Variants in ARRB1 observed in about 807,000 individuals in gnomAD.
ARRB1 encodes the protein beta-arrestin-1.
A neutral mutation model predicts 56.8 loss-of-function variants in ARRB1; 21 were observed. That is an observed-to-expected ratio of 0.37 (90% CI 0.26 to 0.53). The LOEUF (loss-of-function observed/expected upper bound fraction) is 0.53, where lower values mean the gene tolerates loss of function less well. Among genes scored for constraint, ARRB1 ranks in the 20% least tolerant of loss-of-function variants. ARRB1 has a pLI of 0.88. For synonymous variants in ARRB1, 210 were observed against 218.6 expected (o/e 0.96, Z 0.35); for missense variants, 424 against 553.7 (o/e 0.77, Z 2.35).
intron 1 of ARRB1, among the ~76,000 whole-genome samples, chr11:75,350,474 GGGT>G (rs1947829514): frequency 6.6e-6 from 1 of 152,216 alleles, no homozygotes; most frequent in South Asian, 2.1e-4. Context: ...CCCACTTAGG[GGGT>G]GGGGAGGGCA....
In ARRB1 at chr11:75,278,590, C is replaced by A; in HGVS notation, c.618+19G>T. On this transcript the variant is annotated intron_variant, in intron 8 of 15. Transcript: ENST00000420843. ...CTGGTGGAGCAGCCCCCACCCCCTG[C>A]CAAGTCCGAGCCTCCTACCTCCTTA... The A allele has an allele frequency of 6.2e-7, 1 of 1,613,766 alleles. No individual in the cohort carries two copies. The highest frequency in any genetic ancestry group is 1.6e-4 in the Middle Eastern group (1 of 6,062).
Position 75,260,944 on chromosome 11 carries a change from A to T in ARRB1, c.*5219T>A. On this transcript the variant is annotated 3_prime_UTR_variant, in exon 16 of 16. Transcript: ENST00000420843. The stretch of plus-strand genomic sequence containing the variant: ...TTAACCCTAGCCTCTCTCCTATCAC[A>T]CTGCTTCTCCTGCTGTGTCCCTTGG... The T allele has an allele frequency of 6.6e-6, 1 of 152,084 alleles. No homozygotes were observed. Among genetic ancestry groups the T allele is most frequent in the Non-Finnish European group, 1.5e-5 (1 of 68,060 alleles). The allele number at this position is 152,084 out of a possible 1,614,324, so 9.4% of individuals were successfully genotyped here. A position where few individuals can be genotyped will look rare whatever the true frequency, so the allele number is the denominator to read the frequency against.
At chr11:75,316,839 G>A (rs1332149826) in intron 1 of ARRB1, among the ~76,000 whole-genome samples, 3 of 152,122 alleles carry the variant, frequency 2.0e-5, no homozygotes, top group African/African-American at 7.2e-5. Flanking sequence ...AGGCTGAGGT[G>A]GGCAGATCAT....
Position 75,278,639 on chromosome 11 carries a change from G to A in ARRB1, c.588C>T (p.Pro196=). The stretch of plus-strand genomic sequence containing the variant: ...TATCCAGAGAGGCTTCTAGGTGCAA[G>A]GGCTTGTCCGACATGAGGAACTGCC... ...TTRQFLMSDK[P]LHLEASLDKE... is the part of the protein sequence containing the mutation. The change falls in exon 8 of 16, where the codon CCC becomes CCT. Residue 196 remains proline (P), a synonymous_variant. Transcript: ENST00000420843. 6.2e-7 allele frequency: 1 copy of A among 1,614,212 alleles called. No homozygotes were observed. Among genetic ancestry groups the A allele is most frequent in the Non-Finnish European group, 8.5e-7 (1 of 1,180,032 alleles).
At chr11:75,340,825 C>G (rs1446139912) in intron 1 of ARRB1, among the ~76,000 whole-genome samples, 1 of 152,162 alleles carries the variant, frequency 6.6e-6, no homozygotes, top group Non-Finnish European at 1.5e-5. Context: ...ACAACCGCCC[C>G]CAGCTTCCTG....
chr11:75,301,730 G>A (rs1162442759), intron 1 of ARRB1, among the ~76,000 whole-genome samples: 1 of 152,196 alleles, frequency 6.6e-6, no homozygotes, highest in East Asian at 1.9e-4. Context: ...AGCGGCTGCA[G>A]AGAGGTTCCT....
intron 1 of ARRB1, among the ~76,000 whole-genome samples, chr11:75,297,725 T>A (rs1946788216): frequency 6.6e-6 from 1 of 151,186 alleles, no homozygotes. Context: ...ATTAGCCAGG[T>A]GTGGTGGCAG....
At chr11:75,282,940 G>A (rs1483747840) in intron 5 of ARRB1, among the ~76,000 whole-genome samples, 4 of 152,182 alleles carry the variant, frequency 2.6e-5, no homozygotes, top group Admixed American at 1.3e-4. Flanking sequence ...GGTTGCTGCC[G>A]GGCAAGTGGG....
chr11:75,318,142 TCTAA>T (rs1947292502), intron 1 of ARRB1, among the ~76,000 whole-genome samples: 2 of 140,338 alleles, frequency 1.4e-5, no homozygotes, highest in Non-Finnish European at 3.0e-5. Context: ...AATAAGCATT[TCTAA>T]CTTTTTTTTT....
intron 1 of ARRB1, among the ~76,000 whole-genome samples, chr11:75,317,803 G>A (rs146927563): frequency 1.3e-5 from 2 of 152,112 alleles, no homozygotes; most frequent in Admixed American, 6.5e-5. Context: ...ATGATCATCC[G>A]GCTGCACAGA....
At chr11:75,308,191 T>G (rs1947073524) in intron 1 of ARRB1, among the ~76,000 whole-genome samples, 1 of 152,154 alleles carries the variant, frequency 6.6e-6, no homozygotes, top group South Asian at 2.1e-4. Context: ...TTAGCATCGA[T>G]CCACAAAGTA....
intron 1 of ARRB1, among the ~76,000 whole-genome samples, chr11:75,348,711 C>T (rs1654610254): frequency 6.6e-6 from 1 of 152,114 alleles, no homozygotes; most frequent in Admixed American, 6.6e-5. Flanking sequence ...GATCCTCCCA[C>T]TTCAGCCTCC....
At chr11:75,278,159 C>T (rs1382241138) in intron 8 of ARRB1, among the ~76,000 whole-genome samples, 1 of 152,246 alleles carries the variant, frequency 6.6e-6, no homozygotes, top group Non-Finnish European at 1.5e-5. Context: ...CCAGCCTAAG[C>T]TCACAGCAGT....
At chr11:75,288,298 C>G (rs1946528685) in intron 2 of ARRB1, among the ~76,000 whole-genome samples, 1 of 152,230 alleles carries the variant, frequency 6.6e-6, no homozygotes, top group African/African-American at 2.4e-5. Context: ...GTTAGCAGTT[C>G]TGTGTGTGAG....
intron 1 of ARRB1, among the ~76,000 whole-genome samples, chr11:75,341,353 G>C (rs1173224118): frequency 6.6e-6 from 1 of 151,940 alleles, no homozygotes; most frequent in African/African-American, 2.4e-5. Flanking sequence ...GGCCAGGCTG[G>C]TTTCGAACTC....
chr11:75,339,257 C>T (rs886394945), intron 1 of ARRB1, among the ~76,000 whole-genome samples: 4 of 152,246 alleles, frequency 2.6e-5, no homozygotes, highest in Non-Finnish European at 5.9e-5. Flanking sequence ...TCTCCATACC[C>T]TCAGGACAGT....
intron 1 of ARRB1, among the ~76,000 whole-genome samples, chr11:75,299,080 TG>T (rs527390344): frequency 1.7e-3 from 256 of 151,356 alleles, no homozygotes; most frequent in African/African-American, 5.9e-3. Flanking sequence ...GAGTGGGAAA[TG>T]GGGAGTGACT....
intron 1 of ARRB1, among the ~76,000 whole-genome samples, chr11:75,311,484 T>G (rs1449449046): frequency 1.3e-5 from 2 of 151,326 alleles, no homozygotes; most frequent in South Asian, 2.1e-4. Context: ...CAATGAAGAG[T>G]TTGTCAGATT....
chr11:75,295,912 C>CAAAA (rs1565123355), intron 1 of ARRB1, among the ~76,000 whole-genome samples: 3 of 152,174 alleles, frequency 2.0e-5, no homozygotes, highest in African/African-American at 4.8e-5. Flanking sequence ...TGGCTGGGCA[C>CAAAA]AGTGGCTCAT....
Sources: allele counts gnomAD v4.1 joint callset (sites outside exome capture counted in the v4.1 genomes callset), GRCh38; gene constraint gnomAD v4.1.1; transcripts MANE v1.5; gene names NCBI Gene and HGNC (gene_info 2026-07-23, HGNC 2026-07-21).